BPHL: variants seen among roughly 807,000 people sequenced by gnomAD.
BPHL encodes the protein serine hydrolase BPHL.
Under a neutral mutation model 31.2 loss-of-function variants are expected in BPHL, and 27 were observed. The observed-to-expected ratio is 0.87, with a 90% CI of 0.64 to 1.19. BPHL has a LOEUF of 1.19. Ranked by LOEUF, BPHL falls within the 50% of genes most tolerant of loss-of-function variation. The pLI is 0.00. For missense variants in BPHL, 356 were observed against 375.7 expected (o/e 0.95, Z 0.43); for synonymous variants, 150 against 146.8 (o/e 1.02, Z -0.16).
chr6:3,118,482 G>A (rs1761449964), upstream of BPHL: 1 of 338,268 alleles, frequency 3.0e-6, no homozygotes, highest in South Asian at 1.5e-4. Context: ...CTCATCCCGG[G>A]AGCCAGAGCC....
At chr6:3,141,915 A>G (rs1409944893) in intron 6 of BPHL, among the ~76,000 whole-genome samples, 1 of 151,856 alleles carries the variant, frequency 6.6e-6, no homozygotes, top group Non-Finnish European at 1.5e-5. Flanking sequence ...CGGAGGTTGC[A>G]GTGAGCCAAG....
intron 4 of BPHL, among the ~76,000 whole-genome samples, chr6:3,131,693 C>A (rs1761874107): frequency 6.6e-6 from 1 of 152,168 alleles, no homozygotes; most frequent in South Asian, 2.1e-4. Flanking sequence ...CCCCTTTCTC[C>A]TCATCCTTCC....
rs1340640847 is a variant in BPHL at position 3,146,214 on chromosome 6, T to C, written c.788+5705T>C. 3.2e-3 allele frequency among the ~76,000 whole-genome samples: 106 copies of C among 32,890 alleles called. 24 individuals carry two copies. The highest frequency in any genetic ancestry group is 0.024 in the Middle Eastern group (1 of 42). 21.6% of individuals were successfully genotyped at this position (32,890 alleles called of 152,430 possible). Reference sequence around the variant, plus strand: ...GCTGGTTCGGGGTGGAGTGCTGGTGTGGGTTGGAGTGCTGGTTCTGGTTGG... The same window carrying C: ...GCTGGTTCGGGGTGGAGTGCTGGTGCGGGTTGGAGTGCTGGTTCTGGTTGG... On this transcript the variant is annotated intron_variant, in intron 6 of 6. Transcript: ENST00000380379.
At chr6:3,131,636 T>C (rs1420935796) in intron 4 of BPHL, among the ~76,000 whole-genome samples, 2 of 152,200 alleles carry the variant, frequency 1.3e-5, no homozygotes, top group Admixed American at 6.5e-5. Context: ...GTCCGTGCAG[T>C]TTGGCTGGCC....
intron 4 of BPHL, among the ~76,000 whole-genome samples, chr6:3,132,480 G>A (rs1270936465): frequency 6.6e-6 from 1 of 152,032 alleles, no homozygotes; most frequent in Non-Finnish European, 1.5e-5. Flanking sequence ...GCTTCACTCA[G>A]CTCCTTGCTC....
intron 6 of BPHL, among the ~76,000 whole-genome samples, chr6:3,145,598 CG>C (rs1485956067): frequency 7.5e-4 from 21 of 27,918 alleles, no homozygotes; most frequent in African/African-American, 1.6e-3. Context: ...TGGTTTGGGT[CG>C]GAGTGCTGGT....
intron 2 of BPHL, 159 bp from the exon 3 acceptor site, chr6:3,127,083 G>A (rs1761736136): frequency 2.2e-6 from 1 of 459,328 alleles, no homozygotes; most frequent in South Asian, 7.6e-5. Flanking sequence ...TTCTTCGAGT[G>A]GATGGATTAA....
rs922798563 is a variant in BPHL at position 3,149,675 on chromosome 6, C to G, written c.789-2813C>G. The stretch of plus-strand genomic sequence containing the variant: ...TGAGATAGAGCCTTGCTCTATTGCC[C>G]GGGCTGGAGTGCAGTGGCGGGATCT... On this transcript the variant is annotated intron_variant, in intron 6 of 6. Transcript: ENST00000380379. This position sits in a 1 kb window ranked among gnomAD's most constrained non-coding sequence, Gnocchi z 4.6. Among the ~76,000 whole-genome samples, 28 of 152,146 alleles carry G rather than the reference C, an allele frequency of 1.8e-4. No individual in the cohort carries two copies. Among genetic ancestry groups the G allele is most frequent in the Non-Finnish European group, 4.4e-5 (3 of 68,032 alleles).
chr6:3,142,338 C>G (rs1762201538), intron 6 of BPHL, among the ~76,000 whole-genome samples: 1 of 151,976 alleles, frequency 6.6e-6, no homozygotes, highest in Non-Finnish European at 1.5e-5. Context: ...AGGATGGTCT[C>G]GATCTCTTGA....
Position 3,140,501 on chromosome 6 carries a change from A to G in BPHL, c.780A>G (p.Lys260=). ...FHADFIHKHV[K]GSRLHLMPEG... Reference sequence around the variant, plus strand: ...CCGACTTCATTCATAAGCACGTGAAAGGCTCACGGTAAGTCCTGTCACCGC... The same window carrying G: ...CCGACTTCATTCATAAGCACGTGAAGGGCTCACGGTAAGTCCTGTCACCGC... The change falls in exon 6 of 7, where the codon AAA becomes AAG. Residue 260 remains lysine (K), a synonymous_variant. Coordinates refer to ENST00000380379, the MANE Select transcript of BPHL (RefSeq NM_004332.4). This position sits in a 1 kb window ranked among gnomAD's most constrained non-coding sequence, Gnocchi z 5.2. The G allele has an allele frequency of 1.2e-6, 2 of 1,614,070 alleles. No individual in the cohort carries two copies. Among genetic ancestry groups the G allele is most frequent in the Non-Finnish European group, 1.7e-6 (2 of 1,180,030 alleles).
chr6:3,144,221 C>T (rs1428073577), intron 6 of BPHL, among the ~76,000 whole-genome samples: 1 of 152,124 alleles, frequency 6.6e-6, no homozygotes, highest in Non-Finnish European at 1.5e-5. Flanking sequence ...GCGCCCACCA[C>T]CACGCCCGGC....
chr6:3,134,566 A>G (rs1319764741), intron 4 of BPHL, among the ~76,000 whole-genome samples: 1 of 146,004 alleles, frequency 6.8e-6, no homozygotes, highest in Non-Finnish European at 1.5e-5. Context: ...CCTCCCAAGT[A>G]GCTGGCACTA....
intron 1 of BPHL, among the ~76,000 whole-genome samples, chr6:3,119,741 C>G (rs1761508930): frequency 6.6e-6 from 1 of 152,186 alleles, no homozygotes; most frequent in Admixed American, 6.5e-5. Flanking sequence ...AAAGTCAGTA[C>G]TAGATAGGTA....
In BPHL at chr6:3,129,167, C is replaced by T. The variant is rs769822800; in HGVS notation, c.501C>T (p.Tyr167=). 63 of 1,605,364 alleles carry T rather than the reference C, an allele frequency of 3.9e-5. 1 individual carries two copies. The South Asian group carries it at 5.8e-4, about 15-fold the overall frequency. Residue 167 remains tyrosine, a synonymous_variant, in exon 4 of 7, where the codon TAC becomes TAT. Transcript: ENST00000380379. ...TGGTGATCTGGGGCGCCAACGCCTA[C>T]GTCACTGACGAAGACAGCATGATAT... ...HKMVIWGANA[Y]VTDEDSMIYE...
intron 1 of BPHL, among the ~76,000 whole-genome samples, chr6:3,121,109 T>C (rs561370047): frequency 1.3e-5 from 2 of 152,238 alleles, no homozygotes; most frequent in African/African-American, 4.8e-5. Flanking sequence ...ATGAAGTAAT[T>C]AGTAGGCACA....
chr6:3,127,094 G>T, intron 2 of BPHL, 148 bp from the exon 3 acceptor site: 1 of 495,066 alleles, frequency 2.0e-6, no homozygotes, highest in Non-Finnish European at 3.5e-6. Flanking sequence ...GATGGATTAA[G>T]TCATTGCAAG....
At chr6:3,129,943 A>G (rs1176123594) in intron 4 of BPHL, among the ~76,000 whole-genome samples, 3 of 151,436 alleles carry the variant, frequency 2.0e-5, no homozygotes, top group Non-Finnish European at 2.9e-5. Flanking sequence ...AGTAGCTGGG[A>G]TTACAGGCAT....
intron 4 of BPHL, among the ~76,000 whole-genome samples, chr6:3,133,038 T>C (rs1761913844): frequency 6.6e-6 from 1 of 152,214 alleles, no homozygotes. Context: ...TTATAAATAA[T>C]ACTCTTTCTC....
intron 6 of BPHL, among the ~76,000 whole-genome samples, chr6:3,144,733 T>A (rs1762279335): frequency 6.6e-6 from 1 of 152,186 alleles, no homozygotes; most frequent in African/African-American, 2.4e-5. Flanking sequence ...TGAATGCAAT[T>A]CTTCCCATGT....
Sources: gnomAD v4.1 joint callset for allele counts (sites outside exome capture counted in the v4.1 genomes callset) on GRCh38, gnomAD v4.1.1 for gene constraint, Gnocchi (gnomAD v3.1) non-coding constraint, MANE v1.5 for transcripts, NCBI Gene and HGNC (gene_info 2026-07-23, HGNC 2026-07-21) for gene names.